AP1B1: variants seen among roughly 807,000 people sequenced by gnomAD.
AP1B1 encodes AP-1 complex subunit beta-1.
Under a neutral mutation model 104.3 loss-of-function variants are expected in AP1B1, and 36 were observed. The observed-to-expected ratio is 0.35, with a 90% CI of 0.26 to 0.46. The LOEUF (loss-of-function observed/expected upper bound fraction) is 0.46. AP1B1 is among the 20% of genes least tolerant of loss of function. AP1B1 has a pLI of 1.00. For synonymous variants in AP1B1, 504 were observed against 517.5 expected (o/e 0.97, Z 0.35); for missense variants, 901 against 1,247.9 (o/e 0.72, Z 4.19).
At chr22:29,350,592 G>A (rs1569157428) in intron 9 of AP1B1, among the ~76,000 whole-genome samples, 4 of 152,170 alleles carry the variant, frequency 2.6e-5, no homozygotes, top group Admixed American at 6.5e-5. Context: ...TTCTCAGGAC[G>A]GCATCATAGG....
intron 5 of AP1B1, 38 bp downstream of exon 5, chr22:29,358,688 A>AGGTGGTGGAGGTAGCACGGTG (rs758779190): frequency 6.3e-7 from 1 of 1,589,740 alleles, no homozygotes; most frequent in Admixed American, 1.7e-5. Context: ...GCAACCCAGG[A>AGGTGGTGGAGGTAGCACGGTG]GGTGGTGGAG....
In AP1B1 at chr22:29,334,348, C is replaced by T; in HGVS notation, c.2226G>A (p.Val742=). 6.2e-7 allele frequency: 1 copy of T among 1,611,132 alleles called. No individual in the cohort carries two copies. The highest frequency in any genetic ancestry group is 8.5e-7 in the Non-Finnish European group (1 of 1,179,074). ...LEISGTFTRQ[V]GSISMDLQLT... ...GCTGCAGGTCCATGGAGATGGAGCC[C>T]ACCTGGCGGGTGAAGGTGCCTGAGA... Residue 742 remains valine, a synonymous_variant, in exon 17 of 23, where the codon GTG becomes GTA. Transcript: ENST00000357586.
chr22:29,330,107 T>C, intron 21 of AP1B1: 1 of 1,416,030 alleles, frequency 7.1e-7, no homozygotes, highest in Non-Finnish European at 9.2e-7. Flanking sequence ...CAGTCAGGGG[T>C]GCCAAACCAA....
chr22:29,381,394 T>C (rs910066889), intron 1 of AP1B1, among the ~76,000 whole-genome samples: 1 of 152,212 alleles, frequency 6.6e-6, no homozygotes, highest in Non-Finnish European at 1.5e-5. Context: ...TTCACTATCA[T>C]ATTCCTGACT....
chr22:29,356,740 G>A, intron 5 of AP1B1, 124 bp from the exon 6 acceptor site: 1 of 926,168 alleles, frequency 1.1e-6, no homozygotes, highest in Non-Finnish European at 1.6e-6. Context: ...CAATGGGCAG[G>A]GTCTGGAGCT....
chr22:29,367,875 T>C (rs1398451614), intron 1 of AP1B1, among the ~76,000 whole-genome samples: 2 of 152,210 alleles, frequency 1.3e-5, no homozygotes, highest in Non-Finnish European at 2.9e-5. Flanking sequence ...AATAGTAACA[T>C]GCCTGATTCA....
chr22:29,351,843 TGCCCG>T lies in AP1B1; in HGVS notation c.939-23_939-19del, dbSNP rs1178431394. 6.2e-7 allele frequency: 1 copy of T among 1,613,814 alleles called. No homozygotes were observed. Among genetic ancestry groups the T allele is most frequent in the Admixed American group, 1.7e-5 (1 of 59,978 alleles). Reference sequence around the variant, plus strand: ...TCTCAGGCCTGGTGGTGGGGCAGGATGCCCGGAGAGCAAAAAACAAGGCTTAAGCC... The same window carrying T: ...TCTCAGGCCTGGTGGTGGGGCAGGATGAGAGCAAAAAACAAGGCTTAAGCC... On this transcript the variant is annotated intron_variant, in intron 7 of 22. Transcript: ENST00000357586.
chr22:29,336,730 G>A (rs543485260), intron 16 of AP1B1, among the ~76,000 whole-genome samples: 8 of 151,246 alleles, frequency 5.3e-5, no homozygotes, highest in South Asian at 4.2e-4. Flanking sequence ...CTTGAACCCC[G>A]GAGACACAGG....
chr22:29,380,930 TC>T (rs2062426914), intron 1 of AP1B1, among the ~76,000 whole-genome samples: 1 of 152,130 alleles, frequency 6.6e-6, no homozygotes, highest in African/African-American at 2.4e-5. Flanking sequence ...AGCCCACAGG[TC>T]CTATAAGAGA....
intron 16 of AP1B1, among the ~76,000 whole-genome samples, chr22:29,336,261 A>G (rs761184180): frequency 6.6e-6 from 1 of 152,180 alleles, no homozygotes; most frequent in Non-Finnish European, 1.5e-5. Flanking sequence ...CCAGGTGGCC[A>G]CAGCGCTGTT....
chr22:29,331,566 G>C, intron 18 of AP1B1, 33 bp from the exon 19 acceptor site: 1 of 1,612,034 alleles, frequency 6.2e-7, no homozygotes, highest in South Asian at 1.1e-5. Context: ...TCAGTCTCTG[G>C]GGCTTGACGC....
chr22:29,356,657 C>T, intron 5 of AP1B1, 41 bp from the exon 6 acceptor site: 4 of 1,586,628 alleles, frequency 2.5e-6, no homozygotes, highest in Non-Finnish European at 3.5e-6. Flanking sequence ...GGGGGTGCTG[C>T]TCACAGGCCA....
In AP1B1 at chr22:29,330,701, T is replaced by A. The variant is rs2061544628; in HGVS notation, c.2533A>T (p.Met845Leu). The change falls in exon 20 of 23, where the codon ATG (methionine) becomes TTG (leucine). Residue 845 changes from methionine (M) to leucine (L), a missense_variant. Met to Leu is a conservative substitution (Grantham distance 15). Coordinates refer to ENST00000357586, the MANE Select transcript of AP1B1 (RefSeq NM_001127.4). ...FVEDGKMDRQ[M>L]FLATWKDIPN... ...ATATCCTTCCATGTGGCCAGGAACA[T>A]CTGCCGGTCTGCGGGGTGAGCAGGG... 1 of 1,612,260 alleles carries A rather than the reference T, an allele frequency of 6.2e-7. No homozygotes were observed. The highest frequency in any genetic ancestry group is 1.3e-5 in the African/African-American group (1 of 74,874).
intron 16 of AP1B1, 138 bp downstream of exon 16, chr22:29,338,852 G>T: frequency 1.6e-6 from 2 of 1,251,148 alleles, no homozygotes; most frequent in South Asian, 1.5e-5. Flanking sequence ...CCTCTTCCTC[G>T]GTGCCCCTGT....
intron 11 of AP1B1, among the ~76,000 whole-genome samples, chr22:29,346,435 C>T (rs1459379331): frequency 1.3e-5 from 2 of 152,176 alleles, no homozygotes; most frequent in Non-Finnish European, 2.9e-5. Context: ...TGAAACTGCT[C>T]CACCTCAGAT....
intron 2 of AP1B1, among the ~76,000 whole-genome samples, chr22:29,366,671 C>T (rs370110980): frequency 2.5e-4 from 38 of 151,870 alleles, no homozygotes; most frequent in Middle Eastern, 3.4e-3. Flanking sequence ...TAGCGGCGGG[C>T]GCATGTAATC....
rs747171072 is a variant in AP1B1 at position 29,331,467 on chromosome 22, C to A, written c.2506G>T (p.Val836Leu). Residue 836 changes from valine (V) to leucine (L), a missense_variant, in exon 19 of 23, where the codon GTG (valine) becomes TTG (leucine). By Grantham distance (32) the Val-to-Leu change is conservative (BLOSUM62 1). Around this residue, in one of 3 missense-constraint regions of AP1B1, gnomAD observed 424 missense variants for 494.0 expected, o/e 0.86. Transcript: ENST00000357586. ...STLYPLHILF[V>L]EDGKMDRQMF... is the part of the protein sequence containing the mutation. ...GACTCACCCATCTTCCCGTCCTCCA[C>A]AAAGAGGATGTGCAGTGGGTACAAG... 6 of 1,614,222 alleles carry A rather than the reference C, an allele frequency of 3.7e-6. No homozygotes were observed. Among genetic ancestry groups the A allele is most frequent in the Non-Finnish European group, 5.1e-6 (6 of 1,180,036 alleles).
chr22:29,371,909 C>G (rs971602711), intron 1 of AP1B1, among the ~76,000 whole-genome samples: 2 of 152,142 alleles, frequency 1.3e-5, no homozygotes, highest in African/African-American at 2.4e-5. Flanking sequence ...GGGATCCCCC[C>G]CTCAATTTCA....
chr22:29,367,351 T>TC (rs2062160315), intron 1 of AP1B1, 81 bp from the exon 2 acceptor site: 1 of 546,078 alleles, frequency 1.8e-6, no homozygotes, highest in Non-Finnish European at 3.1e-6. Context: ...AGGAGAAGGA[T>TC]CCAGAACACA....
Sources: gnomAD v4.1 joint callset for allele counts (sites outside exome capture counted in the v4.1 genomes callset) on GRCh38, gnomAD v4.1.1 for gene constraint, gnomAD v4.1.1 regional missense constraint, MANE v1.5 for transcripts, NCBI Gene and HGNC (gene_info 2026-07-23, HGNC 2026-07-21) for gene names.